C13orf46: variants seen among roughly 807,000 people sequenced by gnomAD.
C13orf46 encodes the protein chromosome 13 open reading frame 46.
intron 6 of C13orf46, among the ~76,000 whole-genome samples, chr13:113,962,220 G>A (rs1300674673): frequency 1.3e-5 from 2 of 152,184 alleles, no homozygotes; most frequent in South Asian, 2.1e-4. Context: ...TGGCTAACAC[G>A]GCGAAACCCT....
chr13:113,932,624 G>A, the C13orf46 span, among the ~76,000 whole-genome samples: 1 of 152,342 alleles, frequency 6.6e-6, no homozygotes, highest in East Asian at 1.9e-4. Context: ...TTAGAAAGAA[G>A]TCCTTTTTGA....
chr13:113,938,169 C>T, the C13orf46 span, among the ~76,000 whole-genome samples: 2 of 152,132 alleles, frequency 1.3e-5, no homozygotes, highest in African/African-American at 2.4e-5. Context: ...CTCAACTGAA[C>T]GCCTCTCTGG....
At chr13:113,953,094 A>G (rs1421785502), downstream of C13orf46, among the ~76,000 whole-genome samples, 1 of 152,136 alleles carries the variant, frequency 6.6e-6, no homozygotes, top group East Asian at 1.9e-4. Flanking sequence ...GGACCCTCTG[A>G]GTTCAGCGCC....
the C13orf46 span, among the ~76,000 whole-genome samples, chr13:113,930,928 G>A: frequency 1.3e-5 from 2 of 152,220 alleles, no homozygotes; most frequent in Admixed American, 1.3e-4. Context: ...AGGCGGGGTG[G>A]GTCACGGCCT....
At position 113,974,073 on chromosome 13, in the gene C13orf46, G is replaced by A. The variant is rs934911775; in HGVS notation, c.-76C>T. 3.3e-5 allele frequency: 5 copies of A among 152,890 alleles called. No homozygotes were observed. Among genetic ancestry groups the A allele is most frequent in the Admixed American group, 2.6e-4 (4 of 15,292 alleles). The allele number at this position is 152,890 out of a possible 1,614,324, so 9.5% of individuals were successfully genotyped here. A position where few individuals can be genotyped will look rare whatever the true frequency, so the allele number is the denominator to read the frequency against. On this transcript the variant is annotated 5_prime_UTR_variant, in exon 1 of 7. Transcript: ENST00000636427. ...CCGTCCCGCAGGGAGTAGTCAGGAG[G>A]TGCTGGGAGTGCGTTGCCATGGGTC...
At chr13:113,966,183 A>ACGG (rs2052644702) in intron 5 of C13orf46, among the ~76,000 whole-genome samples, 1 of 60,466 alleles carries the variant, frequency 1.7e-5, no homozygotes, top group Non-Finnish European at 2.9e-5. Flanking sequence ...GATGATGATG[A>ACGG]TGGTGATGAT....
chr13:113,973,256 G>A (rs1423999508), intron 1 of C13orf46, among the ~76,000 whole-genome samples: 1 of 152,184 alleles, frequency 6.6e-6, no homozygotes, highest in African/African-American at 2.4e-5. Context: ...AAGCAGTTTT[G>A]TGGAGTTTCA....
downstream of C13orf46, among the ~76,000 whole-genome samples, chr13:113,948,939 T>C (rs2052479434): frequency 6.6e-6 from 1 of 152,252 alleles, no homozygotes; most frequent in African/African-American, 2.4e-5. Context: ...TTTACCCTAA[T>C]GAGGTGACTC....
the C13orf46 span, among the ~76,000 whole-genome samples, chr13:113,946,263 G>T: frequency 6.6e-6 from 1 of 152,176 alleles, no homozygotes; most frequent in Non-Finnish European, 1.5e-5. Context: ...GGAAGAACTT[G>T]ATGAAAGCTC....
chr13:113,943,432 A>G, the C13orf46 span, among the ~76,000 whole-genome samples: 2 of 152,212 alleles, frequency 1.3e-5, no homozygotes, highest in Non-Finnish European at 2.9e-5. Context: ...ACATTTATCT[A>G]AAGACCTGGG....
Position 113,956,042 on chromosome 13 carries a change from AGAGGAGTAGGATCTGGCGGAGAG to A in C13orf46, c.*708_*730del, listed in dbSNP as rs2052528842. 6.7e-6 allele frequency: 1 copy of A among 148,470 alleles called. No homozygotes were observed. The highest frequency in any genetic ancestry group is 7.1e-5 in the Admixed American group (1 of 14,116). The allele number at this position is 148,470 out of a possible 1,614,324, so 9.2% of individuals were successfully genotyped here. On this transcript the variant is annotated 3_prime_UTR_variant, in exon 7 of 7. Transcript: ENST00000636427. The stretch of plus-strand genomic sequence containing the variant: ...GGAGAGGAGGAGTAGGATCTGGCAG[AGAGGAGTAGGATCTGGCGGAGAG>A]GAGGAGTAGGATCTGGCGGAGAGGT...
downstream of C13orf46, among the ~76,000 whole-genome samples, chr13:113,953,258 G>T (rs1198661739): frequency 6.6e-6 from 1 of 152,176 alleles, no homozygotes; most frequent in Non-Finnish European, 1.5e-5. Context: ...CATCCCACAG[G>T]GCGTGTGCCT....
downstream of C13orf46, among the ~76,000 whole-genome samples, chr13:113,950,829 T>C (rs1312702108): frequency 6.6e-6 from 1 of 152,200 alleles, no homozygotes; most frequent in Non-Finnish European, 1.5e-5. Flanking sequence ...CTGCCGTCTC[T>C]GGTGAACCTT....
rs1207561618 is a variant in C13orf46 at position 113,962,974 on chromosome 13, G to A, written c.572+1953C>T. ...AGACTCTGCTGAGTTGGGGCAGAGT[G>A]CAATGTTCTCGAGGACTTTCTCTCT... On this transcript the variant is annotated intron_variant, in intron 6 of 6. Transcript: ENST00000636427. Among the ~76,000 whole-genome samples the A allele has an allele frequency of 2.0e-5, 3 of 152,200 alleles. 1 individual carries two copies. Among genetic ancestry groups the A allele is most frequent in the African/African-American group, 4.8e-5 (2 of 41,438 alleles).
downstream of C13orf46, among the ~76,000 whole-genome samples, chr13:113,952,948 G>T (rs1473084444): frequency 8.5e-5 from 13 of 152,324 alleles, no homozygotes; most frequent in East Asian, 2.5e-3. Context: ...CTGCTCTCGG[G>T]CTCTGCGGCG....
At chr13:113,957,255 C>G (rs1430498467) in intron 6 of C13orf46, among the ~76,000 whole-genome samples, 1 of 141,072 alleles carries the variant, frequency 7.1e-6, no homozygotes, top group Non-Finnish European at 1.5e-5. Context: ...CCCCTGCACT[C>G]TGCATGCACC....
At chr13:113,958,644 A>G (rs1368549952) in intron 6 of C13orf46, among the ~76,000 whole-genome samples, 13 of 152,382 alleles carry the variant, frequency 8.5e-5, no homozygotes, top group African/African-American at 3.1e-4. Flanking sequence ...GGCAATGGAC[A>G]GACGGCTCGC....
chr13:113,943,975 T>C, the C13orf46 span, among the ~76,000 whole-genome samples: 1 of 152,096 alleles, frequency 6.6e-6, no homozygotes, highest in African/African-American at 2.4e-5. Context: ...CTGCCTCTCC[T>C]CTCCTCTGGC....
At chr13:113,949,088 A>G (rs1045210435), downstream of C13orf46, among the ~76,000 whole-genome samples, 392 of 152,318 alleles carry the variant, frequency 2.6e-3, 1 homozygote, top group African/African-American at 9.0e-3. Flanking sequence ...TTCAATCACC[A>G]ATGACCAATG....
Sources: allele counts gnomAD v4.1 joint callset (sites outside exome capture counted in the v4.1 genomes callset), GRCh38; gene constraint gnomAD v4.1.1; transcripts MANE v1.5; gene names NCBI Gene and HGNC (gene_info 2026-07-23, HGNC 2026-07-21).